Variants in SLC26A7 observed in about 807,000 individuals in gnomAD.
The protein encoded by SLC26A7 is solute carrier family 26 member 7, also known as anion exchange transporter.
SLC26A7 carries 59 observed loss-of-function variants against 82.5 expected under a neutral mutation model. The ratio of observed to expected loss-of-function variants is 0.72; its 90% CI spans 0.58 to 0.89. The LOEUF (loss-of-function observed/expected upper bound fraction) is 0.89. SLC26A7 is among the 40% of genes least tolerant of loss of function. The probability of loss-of-function intolerance (pLI) is 0.00; values close to 1 mark genes in which losing one functional copy is unlikely to be tolerated. For missense variants in SLC26A7, 820 were observed against 793.0 expected (o/e 1.03, Z -0.41); for synonymous variants, 271 against 274.3 (o/e 0.99, Z 0.12).
intron 2 of SLC26A7, among the ~76,000 whole-genome samples, chr8:91,220,050 G>T (rs1239632788): frequency 6.6e-6 from 1 of 151,988 alleles, no homozygotes; most frequent in Non-Finnish European, 1.5e-5. Context: ...TTTAATTCAG[G>T]TTCTTTATGC....
At chr8:91,244,166 C>T (rs1810511553) in intron 2 of SLC26A7, among the ~76,000 whole-genome samples, 1 of 152,078 alleles carries the variant, frequency 6.6e-6, no homozygotes, top group South Asian at 2.1e-4. Flanking sequence ...TTTTAAGCAT[C>T]TTCAATTCTT....
chr8:91,259,431 G>A (rs1311530987), intron 2 of SLC26A7, among the ~76,000 whole-genome samples: 1 of 152,036 alleles, frequency 6.6e-6, no homozygotes, highest in Admixed American at 6.6e-5. Flanking sequence ...GGTCATCAAA[G>A]CATTTAGAAT....
intron 5 of SLC26A7, among the ~76,000 whole-genome samples, chr8:91,333,607 T>G (rs897011132): frequency 2.6e-5 from 4 of 152,066 alleles, no homozygotes; most frequent in Non-Finnish European, 4.4e-5. Context: ...AAACCCTAAG[T>G]CATATACTTC....
intron 2 of SLC26A7, among the ~76,000 whole-genome samples, chr8:91,260,312 G>C (rs1329023451): frequency 6.6e-6 from 1 of 152,068 alleles, no homozygotes; most frequent in Non-Finnish European, 1.5e-5. Flanking sequence ...TCACTATCAC[G>C]AGAACGTCAT....
chr8:91,386,467 A>C (rs1265128207), intron 15 of SLC26A7, among the ~76,000 whole-genome samples: 1 of 152,152 alleles, frequency 6.6e-6, no homozygotes, highest in Non-Finnish European at 1.5e-5. Flanking sequence ...AAAACAAGTA[A>C]GTGGATAAAA....
intron 7 of SLC26A7, 55 bp downstream of exon 7, chr8:91,338,287 G>A (rs1161181445): frequency 1.5e-6 from 2 of 1,336,820 alleles, no homozygotes; most frequent in African/African-American, 3.0e-5. Flanking sequence ...ATTTTTGATG[G>A]AGAAAGGGAC....
intron 5 of SLC26A7, 121 bp downstream of exon 5, chr8:91,318,501 CT>C: frequency 1.3e-6 from 1 of 789,290 alleles, no homozygotes; most frequent in Non-Finnish European, 1.9e-6. Context: ...TAAATAAAAT[CT>C]TATAGGATAT....
In SLC26A7 at chr8:91,340,458, A is replaced by G. The variant is rs1296225529; in HGVS notation, c.933A>G (p.Glu311=). The change falls in exon 8 of 19, where the codon GAA becomes GAG. Residue 311 remains glutamate (E), a synonymous_variant. Transcript: ENST00000276609. ...PMNILSAVIT[E]AFGVALVGYV... ...ACATCCTCTCTGCGGTGATCACTGA[A>G]GCTTTCGGAGTGGCACTTGTAGGCT... 3 of 1,613,822 alleles carry G rather than the reference A, an allele frequency of 1.9e-6. No homozygotes were observed. In the African/African-American group the frequency reaches 4.0e-5, roughly 22 times the overall value.
chr8:91,352,752 C>T (rs1026560250), intron 10 of SLC26A7, 149 bp from the exon 11 acceptor site: 2 of 532,152 alleles, frequency 3.8e-6, no homozygotes, highest in Non-Finnish European at 6.4e-6. Flanking sequence ...TAGTTTTAAA[C>T]AAAATAAATA....
intron 8 of SLC26A7, among the ~76,000 whole-genome samples, chr8:91,340,881 ACT>A (rs1486278599): frequency 6.6e-6 from 1 of 152,102 alleles, no homozygotes; most frequent in Non-Finnish European, 1.5e-5. Context: ...CATTAGTATT[ACT>A]CTTAGTAAAA....
chr8:91,280,787 C>T (rs4130450), intron 2 of SLC26A7, among the ~76,000 whole-genome samples: 1 of 152,018 alleles, frequency 6.6e-6, no homozygotes, highest in African/African-American at 2.4e-5. Flanking sequence ...AGTCAGCCAC[C>T]TTTGGCCCTG....
chr8:91,217,658 A>G (rs1242949489), intron 1 of SLC26A7, among the ~76,000 whole-genome samples: 1 of 152,166 alleles, frequency 6.6e-6, no homozygotes, highest in East Asian at 1.9e-4. Context: ...CTCCCCCAGC[A>G]TATGCACTGA....
intron 2 of SLC26A7, among the ~76,000 whole-genome samples, chr8:91,272,010 A>G (rs1586347227): frequency 6.6e-6 from 1 of 151,504 alleles, no homozygotes; most frequent in South Asian, 2.1e-4. Flanking sequence ...CAGGATCTAC[A>G]AGAAGCTTTT....
At chr8:91,237,428 C>T (rs1810408673) in intron 2 of SLC26A7, among the ~76,000 whole-genome samples, 1 of 152,150 alleles carries the variant, frequency 6.6e-6, no homozygotes, top group Non-Finnish European at 1.5e-5. Flanking sequence ...GGCAGTTTAA[C>T]AAAAAACTCA....
chr8:91,336,217 G>A (rs2130833841), intron 6 of SLC26A7, among the ~76,000 whole-genome samples: 1 of 152,218 alleles, frequency 6.6e-6, no homozygotes, highest in East Asian at 1.9e-4. Flanking sequence ...TTCTTGTGGG[G>A]AAGTCTACAG....
intron 2 of SLC26A7, among the ~76,000 whole-genome samples, chr8:91,236,916 T>C: frequency 6.6e-6 from 1 of 152,232 alleles, no homozygotes; most frequent in East Asian, 1.9e-4. Flanking sequence ...TATTTATCAA[T>C]TGCTTACTCT....
chr8:91,245,191 C>G (rs1810527491), upstream of SLC26A7, among the ~76,000 whole-genome samples: 1 of 152,106 alleles, frequency 6.6e-6, no homozygotes, highest in Non-Finnish European at 1.5e-5. Context: ...AGCTGAGGAA[C>G]TAATTATGTG....
intron 5 of SLC26A7, among the ~76,000 whole-genome samples, chr8:91,323,911 C>T (rs1282446903): frequency 4.0e-5 from 6 of 151,144 alleles, no homozygotes; most frequent in African/African-American, 7.3e-5. Flanking sequence ...CTCCACCTCC[C>T]GGGTTCAATG....
intron 1 of SLC26A7, among the ~76,000 whole-genome samples, chr8:91,214,301 T>C (rs1809997183): frequency 6.6e-6 from 1 of 152,144 alleles, no homozygotes; most frequent in African/African-American, 2.4e-5. Context: ...ATCTTAGACA[T>C]GTTGAGTTTC....
Sources: allele counts gnomAD v4.1 joint callset (sites outside exome capture counted in the v4.1 genomes callset), GRCh38; gene constraint gnomAD v4.1.1; transcripts MANE v1.5; gene names NCBI Gene and HGNC (gene_info 2026-07-23, HGNC 2026-07-21).